Variants in SCFD2 observed in about 807,000 individuals in gnomAD.
The protein encoded by SCFD2 is sec1 family domain containing 2.
A neutral mutation model predicts 58.9 loss-of-function variants in SCFD2; 54 were observed. That is an observed-to-expected ratio of 0.92 (90% CI 0.74 to 1.15). The LOEUF is 1.15. Among genes scored for constraint, SCFD2 ranks in the 50% most tolerant of loss-of-function variants. The pLI is 0.00. For missense variants in SCFD2, 805 were observed against 836.6 expected, an observed-to-expected ratio of 0.96 and a Z score of 0.47; for synonymous variants, 321 against 335.9, an observed-to-expected ratio of 0.96 and a Z score of 0.49.
At chr4:53,062,385 CAATAACAAT>C (rs1258494983) in intron 5 of SCFD2, among the ~76,000 whole-genome samples, 1 of 116,530 alleles carries the variant, frequency 8.6e-6, no homozygotes, top group Non-Finnish European at 1.9e-5. Flanking sequence ...AAAATACGTA[CAATAACAAT>C]AATAATAATA....
chr4:52,940,977 C>T (rs1720278037), intron 5 of SCFD2, among the ~76,000 whole-genome samples: 1 of 152,080 alleles, frequency 6.6e-6, no homozygotes, highest in Non-Finnish European at 1.5e-5. Flanking sequence ...GCTCAGATGT[C>T]CCCTTTCCCA....
intron 5 of SCFD2, among the ~76,000 whole-genome samples, chr4:52,947,891 A>G (rs1041549710): frequency 6.6e-6 from 1 of 151,744 alleles, no homozygotes; most frequent in Non-Finnish European, 1.5e-5. Context: ...AAACCAACAA[A>G]GGATTACATA....
chr4:53,055,459 G>A (rs868863297), intron 5 of SCFD2, among the ~76,000 whole-genome samples: 1 of 152,136 alleles, frequency 6.6e-6, no homozygotes, highest in Non-Finnish European at 1.5e-5. Context: ...TGATGCCTGG[G>A]AGTCCTGAGG....
chr4:53,231,742 T>A (rs1478142308), intron 4 of SCFD2, among the ~76,000 whole-genome samples: 2 of 152,132 alleles, frequency 1.3e-5, no homozygotes, highest in Non-Finnish European at 1.5e-5. Flanking sequence ...ATGAGATTAC[T>A]GCTAATATAC....
intron 2 of SCFD2, among the ~76,000 whole-genome samples, chr4:53,332,668 T>A (rs941797067): frequency 8.5e-5 from 13 of 152,134 alleles, no homozygotes; most frequent in African/African-American, 2.9e-4. Context: ...ACTGGAAGCA[T>A]TCCTTTTGAA....
intron 2 of SCFD2, among the ~76,000 whole-genome samples, chr4:53,324,703 G>C (rs1314677296): frequency 1.3e-5 from 2 of 152,106 alleles, no homozygotes; most frequent in Non-Finnish European, 2.9e-5. Context: ...GTGGGCTCTG[G>C]TTGTCCGGTA....
At chr4:53,146,958 T>C (rs999864196) in intron 4 of SCFD2, among the ~76,000 whole-genome samples, 3 of 152,180 alleles carry the variant, frequency 2.0e-5, no homozygotes, top group Non-Finnish European at 2.9e-5. Flanking sequence ...TTGGAAAATA[T>C]CCCATGCAGA....
chr4:52,955,856 C>A (rs1234044397), intron 5 of SCFD2: 1 of 343,154 alleles, frequency 2.9e-6, no homozygotes, highest in Non-Finnish European at 5.8e-6. Flanking sequence ...GAAAAATATC[C>A]ATTGCGTGCC....
chr4:53,260,180 A>C (rs897409316), intron 4 of SCFD2, among the ~76,000 whole-genome samples: 5 of 152,154 alleles, frequency 3.3e-5, no homozygotes, highest in South Asian at 4.1e-4. Flanking sequence ...GCAAACAACA[A>C]GAGTTCAACT....
chr4:53,109,747 A>C (rs1158906607), intron 5 of SCFD2, among the ~76,000 whole-genome samples: 1 of 152,342 alleles, frequency 6.6e-6, no homozygotes, highest in East Asian at 1.9e-4. Context: ...AAAACATTCC[A>C]TGCTTATTAA....
At chr4:53,002,378 C>T (rs1319719376) in intron 5 of SCFD2, among the ~76,000 whole-genome samples, 9 of 152,124 alleles carry the variant, frequency 5.9e-5, no homozygotes, top group South Asian at 2.1e-4. Flanking sequence ...CACCACCAGA[C>T]GGCACCAACA....
chr4:53,302,742 C>G (rs1732357874), intron 3 of SCFD2, among the ~76,000 whole-genome samples: 1 of 152,096 alleles, frequency 6.6e-6, no homozygotes. Flanking sequence ...GGTACTGGTA[C>G]CAAAACAGAC....
At chr4:53,219,025 G>A (rs913886044) in intron 4 of SCFD2, among the ~76,000 whole-genome samples, 11 of 152,188 alleles carry the variant, frequency 7.2e-5, no homozygotes, top group African/African-American at 1.9e-4. Flanking sequence ...GTACCCGGCC[G>A]TGTGAGGTGT....
At chr4:53,325,047 C>T (rs188457984) in intron 2 of SCFD2, among the ~76,000 whole-genome samples, 1 of 152,158 alleles carries the variant, frequency 6.6e-6, no homozygotes, top group African/African-American at 2.4e-5. Context: ...CAATCAGGCC[C>T]TCTATCTCCA....
At chr4:53,049,407 G>C (rs144043869) in intron 5 of SCFD2, among the ~76,000 whole-genome samples, 9 of 152,320 alleles carry the variant, frequency 5.9e-5, no homozygotes, top group African/African-American at 2.2e-4. Flanking sequence ...TGCATACCAT[G>C]TGCTATTCAC....
chr4:53,041,492 T>C lies in SCFD2; in HGVS notation c.1561+103841A>G, dbSNP rs546379802. ...CATACTTGCACACAGTAAAACAGCATTTAAATCAGGAGATGAGATGTCCAA... is the reference window on the plus strand; with the variant it reads ...CATACTTGCACACAGTAAAACAGCACTTAAATCAGGAGATGAGATGTCCAA... On this transcript the variant is annotated intron_variant, in intron 5 of 8. Coordinates refer to ENST00000401642, the MANE Select transcript of SCFD2 (RefSeq NM_152540.4). Among the ~76,000 whole-genome samples the C allele has an allele frequency of 2.7e-4, 41 of 152,298 alleles. No homozygotes were observed. The South Asian group carries it at 6.0e-3, about 22-fold the overall frequency.
At chr4:53,054,187 T>A (rs1245032747) in intron 5 of SCFD2, among the ~76,000 whole-genome samples, 3 of 152,212 alleles carry the variant, frequency 2.0e-5, no homozygotes, top group African/African-American at 7.2e-5. Context: ...CATGTACTAT[T>A]TGTCTTTCTG....
chr4:52,952,080 G>A (rs908104978), intron 5 of SCFD2, among the ~76,000 whole-genome samples: 1 of 152,122 alleles, frequency 6.6e-6, no homozygotes, highest in East Asian at 1.9e-4. Flanking sequence ...ACCTAGAGAT[G>A]AGCTCAGATG....
chr4:53,232,276 C>T (rs1024972385), intron 4 of SCFD2, among the ~76,000 whole-genome samples: 1 of 152,126 alleles, frequency 6.6e-6, no homozygotes, highest in Non-Finnish European at 1.5e-5. Flanking sequence ...TCAAAGGAAT[C>T]TTTTGTATTC....
Sources: allele counts gnomAD v4.1 joint callset (sites outside exome capture counted in the v4.1 genomes callset), GRCh38; gene constraint gnomAD v4.1.1; transcripts MANE v1.5; gene names NCBI Gene and HGNC (gene_info 2026-07-23, HGNC 2026-07-21).